Variants in MEIS1 observed in about 807,000 individuals in gnomAD.
MEIS1 encodes homeobox protein Meis1.
In MEIS1, 5 loss-of-function variants were observed where a neutral mutation model predicts 50.8. The observed-to-expected ratio is 0.10, with a 90% CI of 0.05 to 0.21. The LOEUF is 0.21. Among genes scored for constraint, MEIS1 ranks in the 10% least tolerant of loss-of-function variants. The probability of loss-of-function intolerance (pLI) is 1.00; values close to 1 mark genes in which losing one functional copy is unlikely to be tolerated. For synonymous variants in MEIS1, 176 were observed against 179.3 expected, an observed-to-expected ratio of 0.98 and a Z score of 0.15; for missense variants, 318 against 517.3, an observed-to-expected ratio of 0.61 and a Z score of 3.74.
chr2:66,499,846 C>T (rs1673504592), intron 7 of MEIS1, among the ~76,000 whole-genome samples: 1 of 152,080 alleles, frequency 6.6e-6, no homozygotes. Flanking sequence ...CCACTCTATA[C>T]ATAACTCTCT....
At chr2:66,567,709 A>G in intron 10 of MEIS1, 198 bp downstream of exon 10, 1 of 673,240 alleles carries the variant, frequency 1.5e-6, no homozygotes, top group South Asian at 1.6e-5. Context: ...AAGGTGGAAA[A>G]AAAAAGCCAA....
At chr2:66,458,489 G>T (rs531606926) in intron 6 of MEIS1, among the ~76,000 whole-genome samples, 1 of 152,262 alleles carries the variant, frequency 6.6e-6, no homozygotes, top group South Asian at 2.1e-4. Flanking sequence ...ATACCCCAAG[G>T]TTGGCTTAGG....
chr2:66,569,475 G>T, intron 12 of MEIS1: 1 of 173,112 alleles, frequency 5.8e-6, no homozygotes. Context: ...GCAAGGAGAG[G>T]GAAGAGCATG....
chr2:66,497,976 GCT>G (rs1673449756), intron 7 of MEIS1, among the ~76,000 whole-genome samples: 2 of 151,730 alleles, frequency 1.3e-5, no homozygotes, highest in Admixed American at 1.3e-4. Flanking sequence ...ACTTTACAAG[GCT>G]TTTTTTGGGG....
At chr2:66,560,931 C>T (rs1360839912) in intron 9 of MEIS1, among the ~76,000 whole-genome samples, 1 of 151,974 alleles carries the variant, frequency 6.6e-6, no homozygotes, top group Admixed American at 6.6e-5. Flanking sequence ...GAAAAAGGTG[C>T]CAAAAACATG....
intron 7 of MEIS1, among the ~76,000 whole-genome samples, chr2:66,473,397 A>AAAAAAAAAT: frequency 1.9e-5 from 2 of 107,596 alleles, no homozygotes; most frequent in African/African-American, 1.2e-4. Context: ...AAAAAAAAAA[A>AAAAAAAAAT]ATATATATAT....
In MEIS1 at chr2:66,571,536, G is replaced by A; in HGVS notation, c.*328G>A. ...GGACATTCATGCTCAGTAGCTTAAG[G>A]GAATATGCATTGTCTGCAATGGTGA... is the stretch of plus-strand genomic sequence containing the variant. On this transcript the variant is annotated 3_prime_UTR_variant, in exon 13 of 13. Coordinates refer to ENST00000272369, the MANE Select transcript of MEIS1 (RefSeq NM_002398.3). The A allele has an allele frequency of 6.4e-7, 1 of 1,557,814 alleles. No individual in the cohort carries two copies. Among genetic ancestry groups the A allele is most frequent in the South Asian group, 1.2e-5 (1 of 84,624 alleles).
chr2:66,504,288 C>T (rs1315475714), intron 7 of MEIS1, among the ~76,000 whole-genome samples: 1 of 151,962 alleles, frequency 6.6e-6, no homozygotes, highest in Non-Finnish European at 1.5e-5. Context: ...GGCTAGAGTG[C>T]AGTGACGCGA....
intron 6 of MEIS1, among the ~76,000 whole-genome samples, chr2:66,454,262 A>G (rs554085203): frequency 6.6e-6 from 1 of 152,006 alleles, no homozygotes; most frequent in Non-Finnish European, 1.5e-5. Flanking sequence ...TGGAGGAAGG[A>G]TTGGGTGCTG....
intron 8 of MEIS1, among the ~76,000 whole-genome samples, chr2:66,532,353 T>C (rs1001463808): frequency 4.6e-5 from 7 of 152,074 alleles, no homozygotes; most frequent in Admixed American, 1.3e-4. Flanking sequence ...GAGTTAATTC[T>C]GTTGCTGCAG....
chr2:66,542,772 AG>A (rs1469322560), intron 8 of MEIS1, among the ~76,000 whole-genome samples: 2 of 152,172 alleles, frequency 1.3e-5, no homozygotes, highest in East Asian at 3.9e-4. Context: ...CAAGGTGGTG[AG>A]GGAGGGGATG....
intron 7 of MEIS1, among the ~76,000 whole-genome samples, chr2:66,468,105 T>G (rs1672682694): frequency 6.6e-6 from 1 of 152,192 alleles, no homozygotes; most frequent in Admixed American, 6.5e-5. Context: ...GTAGCTGCTT[T>G]AGGATGGGGT....
chr2:66,534,451 T>A (rs1674470200), intron 8 of MEIS1, among the ~76,000 whole-genome samples: 1 of 152,096 alleles, frequency 6.6e-6, no homozygotes, highest in South Asian at 2.1e-4. Context: ...GGAGGATTGC[T>A]TGAACCTGGG....
intron 8 of MEIS1, among the ~76,000 whole-genome samples, chr2:66,529,163 C>T (rs768558015): frequency 1.3e-5 from 2 of 152,152 alleles, no homozygotes; most frequent in Admixed American, 6.5e-5. Context: ...TCCACAGCAC[C>T]TTGATGAGAC....
intron 8 of MEIS1, among the ~76,000 whole-genome samples, chr2:66,526,576 A>T (rs928857066): frequency 6.6e-6 from 1 of 152,202 alleles, no homozygotes; most frequent in African/African-American, 2.4e-5. Flanking sequence ...AAGCCATGGG[A>T]GCTAGAAATC....
At chr2:66,569,337 A>G (rs1675427367) in intron 12 of MEIS1, 192 bp downstream of exon 12, 1 of 495,916 alleles carries the variant, frequency 2.0e-6, no homozygotes, top group Non-Finnish European at 3.6e-6. Flanking sequence ...TGTATGATGT[A>G]CATTTATCCT....
intron 8 of MEIS1, among the ~76,000 whole-genome samples, chr2:66,539,120 C>T (rs546431506): frequency 1.3e-5 from 2 of 152,256 alleles, no homozygotes; most frequent in African/African-American, 4.8e-5. Flanking sequence ...ATCTCCTGAC[C>T]TTATGATCCA....
chr2:66,467,808 G>A (rs1672674146), intron 7 of MEIS1, among the ~76,000 whole-genome samples: 1 of 151,980 alleles, frequency 6.6e-6, no homozygotes, highest in South Asian at 2.1e-4. Flanking sequence ...GTGGCCCCTT[G>A]CAGGAGATTG....
intron 7 of MEIS1, among the ~76,000 whole-genome samples, chr2:66,488,145 A>G (rs1050295353): frequency 1.3e-5 from 2 of 152,174 alleles, no homozygotes; most frequent in Non-Finnish European, 2.9e-5. Flanking sequence ...AAAATTTCCC[A>G]GTGATTTGTG....
Sources: allele counts gnomAD v4.1 joint callset (sites outside exome capture counted in the v4.1 genomes callset), GRCh38; gene constraint gnomAD v4.1.1; transcripts MANE v1.5; gene names NCBI Gene and HGNC (gene_info 2026-07-23, HGNC 2026-07-21).